Variants in ARHGEF2 observed in about 807,000 individuals in gnomAD.
ARHGEF2 encodes Rho/Rac guanine nucleotide exchange factor 2.
In ARHGEF2, 22 loss-of-function variants were observed where a neutral mutation model predicts 121.0. The observed-to-expected ratio is 0.18, with a 90% CI of 0.13 to 0.26. The LOEUF is 0.26. Ranked by LOEUF, ARHGEF2 falls within the 10% of genes least tolerant of loss-of-function variation. The pLI, the probability that ARHGEF2 is intolerant of heterozygous loss-of-function variation, is 1.00. For missense variants in ARHGEF2, 907 were observed against 1,336.0 expected, an observed-to-expected ratio of 0.68 and a Z score of 5.01; for synonymous variants, 487 against 530.0, an observed-to-expected ratio of 0.92 and a Z score of 1.11.
chr1:155,971,100 C>G (rs1366348938), intron 1 of ARHGEF2: 10 of 985,874 alleles, frequency 1.0e-5, no homozygotes, highest in African/African-American at 1.7e-5. Flanking sequence ...CCTCCTCACG[C>G]AGGCCAACTG....
At position 155,950,789 on chromosome 1, in the gene ARHGEF2, T is replaced by G; in HGVS notation, c.2703+40A>C. ...TTCTTTCGGGCTCCATGGACCCTTA[T>G]GTCCACCCCAGGTCCATTCACCACT... On this transcript the variant is annotated intron_variant, in intron 20 of 21. Transcript: ENST00000361247. This position sits in a 1 kb window ranked among gnomAD's most constrained non-coding sequence, Gnocchi z 5.2. 1 of 1,503,348 alleles carries G rather than the reference T, an allele frequency of 6.7e-7. No homozygotes were observed. Among genetic ancestry groups the G allele is most frequent in the Non-Finnish European group, 8.9e-7 (1 of 1,122,170 alleles). 93.1% of individuals were successfully genotyped at this position (1,503,348 alleles called of 1,614,324 possible).
Position 155,965,508 on chromosome 1 carries a change from C to G in ARHGEF2, c.471-96G>C. On this transcript the variant is annotated intron_variant, in intron 5 of 21. Coordinates refer to ENST00000361247, the MANE Select transcript of ARHGEF2 (RefSeq NM_001162383.2). This position sits in a 1 kb window ranked among gnomAD's most constrained non-coding sequence, Gnocchi z 6.0. ...AGCCAGGATCCAAGAGGCGGTCCCC[C>G]TAAGTTCTCCTTATTTGTCTGTCTA... is the stretch of plus-strand genomic sequence containing the variant. The G allele has an allele frequency of 6.2e-7, 1 of 1,602,542 alleles. No individual in the cohort carries two copies. The highest frequency in any genetic ancestry group is 1.7e-5 in the Admixed American group (1 of 59,744).
At chr1:155,969,896 C>CTCTA in intron 1 of ARHGEF2, 5 of 985,638 alleles carry the variant, frequency 5.1e-6, no homozygotes, top group Non-Finnish European at 4.8e-6. Context: ...GATCCCAGAC[C>CTCTA]TCTAACTCTT....
rs1199504727 is a variant in ARHGEF2, at chr1:155,961,836, C to T, written c.1293G>A (p.Glu431=). The change falls in exon 11 of 22, where the codon GAG becomes GAA. Residue 431 remains glutamate (E), a synonymous_variant. Coordinates refer to ENST00000361247, the MANE Select transcript of ARHGEF2 (RefSeq NM_001162383.2). The surrounding 1 kb of genome is among the most constrained non-coding windows in gnomAD (Gnocchi z 4.7). ...LVKELLSNVD[E]GIYQLEKGAR... is the part of the protein sequence containing the mutation. The stretch of plus-strand genomic sequence containing the variant: ...CCCCTTTCTCCAGCTGATAAATACC[C>T]TCGTCCACATTGGACAGCAGCTCCT... The T allele has an allele frequency of 6.2e-7, 1 of 1,614,166 alleles. No individual in the cohort carries two copies. Among genetic ancestry groups the T allele is most frequent in the East Asian group, 2.2e-5 (1 of 44,876 alleles).
intron 1 of ARHGEF2, among the ~76,000 whole-genome samples, chr1:155,975,317 A>C (rs1485576030): frequency 6.6e-6 from 1 of 152,090 alleles, no homozygotes; most frequent in Non-Finnish European, 1.5e-5. Flanking sequence ...CCCCTCCTTG[A>C]TTCCAAGGTC....
At chr1:155,968,374 G>C (rs1167131307) in intron 2 of ARHGEF2, 1 of 152,144 alleles carries the variant, frequency 6.6e-6, no homozygotes, top group Non-Finnish European at 1.5e-5. Flanking sequence ...CCGCTATTCA[G>C]TAGCAGGTCA....
rs1557979967 is a variant in ARHGEF2, at chr1:155,947,066, C to T, written c.*876G>A. 8 of 218,974 alleles carry T rather than the reference C, an allele frequency of 3.7e-5. No individual in the cohort carries two copies. In the South Asian group the frequency reaches 4.2e-4, roughly 12 times the overall value. The allele number at this position is 218,974 out of a possible 1,614,324, so 13.6% of individuals were successfully genotyped here. ...GGAGATTTTCCAACCCACCCTAGAA[C>T]TTGTTTCTAAATGGCTGGGGAAGAG... On this transcript the variant is annotated 3_prime_UTR_variant, in exon 22 of 22. Coordinates refer to ENST00000361247, the MANE Select transcript of ARHGEF2 (RefSeq NM_001162383.2).
At chr1:155,975,490 A>C in intron 1 of ARHGEF2, among the ~76,000 whole-genome samples, 2 of 149,296 alleles carry the variant, frequency 1.3e-5, no homozygotes, top group Non-Finnish European at 3.0e-5. Flanking sequence ...CCTCCCCCTC[A>C]ACTCTCTCCC....
At chr1:155,964,335 A>C (rs1678894837) in intron 7 of ARHGEF2, among the ~76,000 whole-genome samples, 1 of 150,498 alleles carries the variant, frequency 6.6e-6, no homozygotes, top group Non-Finnish European at 1.5e-5. Flanking sequence ...ATGAGCCACC[A>C]CGCCCAGTTC....
At chr1:155,954,279 C>A in intron 14 of ARHGEF2, among the ~76,000 whole-genome samples, 1 of 113,780 alleles carries the variant, frequency 8.8e-6, no homozygotes. Flanking sequence ...AGCCAATCTA[C>A]TTCTTTTTTT....
intron 7 of ARHGEF2, among the ~76,000 whole-genome samples, chr1:155,964,199 C>CACAT (rs1678835152): frequency 2.2e-5 from 1 of 45,126 alleles, no homozygotes; most frequent in Non-Finnish European, 4.2e-5. Flanking sequence ...TATATATATA[C>CACAT]ATATATATAT....
intron 12 of ARHGEF2, 111 bp from the exon 13 acceptor site, chr1:155,957,993 A>AT (rs1406369048): frequency 6.9e-6 from 8 of 1,162,430 alleles, no homozygotes; most frequent in South Asian, 1.6e-5. Flanking sequence ...TCATCTTACA[A>AT]TACCAGTTAA....
In ARHGEF2 at chr1:155,962,942, G is replaced by A. The variant is rs766801500; in HGVS notation, c.966C>T (p.Leu322=). 26 of 1,614,014 alleles carry A rather than the reference G, an allele frequency of 1.6e-5. No homozygotes were observed. Among genetic ancestry groups the A allele is most frequent in the East Asian group, 2.2e-5 (1 of 44,888 alleles). Residue 322 remains leucine (L), a synonymous_variant, in exon 8 of 22, where the codon CTC becomes CTT. Coordinates refer to ENST00000361247, the MANE Select transcript of ARHGEF2 (RefSeq NM_001162383.2). The surrounding 1 kb of genome is among the most constrained non-coding windows in gnomAD (Gnocchi z 5.8). ...TCCTGCCTTTTCCCACCTGGCTGAT[G>A]AGCAGATCACCCAAGCGATGGATGA... ...NFVIHRLGDL[L]ISQFSGPSAE... is the part of the protein sequence containing the mutation.
chr1:155,968,728 C>CGG, intron 2 of ARHGEF2: 1 of 171,884 alleles, frequency 5.8e-6, no homozygotes, highest in Non-Finnish European at 1.2e-5. Context: ...ATGCCCAGCT[C>CGG]TGCGCAGGAA....
At chr1:155,966,570 C>A (rs1258465980) in intron 3 of ARHGEF2, 91 bp from the exon 4 acceptor site, 3 of 1,418,832 alleles carry the variant, frequency 2.1e-6, no homozygotes, top group African/African-American at 1.4e-5. Context: ...AGGTGGCCGG[C>A]CCCCTTAGGA....
chr1:155,964,176 A>ATG (rs1223864946), intron 7 of ARHGEF2, among the ~76,000 whole-genome samples: 8,396 of 95,038 alleles, frequency 0.088, 704 homozygotes, highest in African/African-American at 0.19. Context: ...AAATATATAT[A>ATG]TATATATATA....
chr1:155,959,913 T>C (rs1478294146), intron 11 of ARHGEF2, among the ~76,000 whole-genome samples: 1 of 152,174 alleles, frequency 6.6e-6, no homozygotes, highest in Admixed American at 6.5e-5. Flanking sequence ...CCTTTACGGC[T>C]ATCTGACCTA....
At chr1:155,955,851 G>A (rs1676546574) in intron 13 of ARHGEF2, among the ~76,000 whole-genome samples, 1 of 151,948 alleles carries the variant, frequency 6.6e-6, no homozygotes, top group African/African-American at 2.4e-5. Flanking sequence ...AAGCAGCTGG[G>A]ACTACAGGCA....
At chr1:155,948,081 C>G in intron 21 of ARHGEF2, 66 bp from the exon 22 acceptor site, 1 of 1,330,102 alleles carries the variant, frequency 7.5e-7, no homozygotes, top group Non-Finnish European at 1.0e-6. Context: ...TACCCCTAGA[C>G]TAATGCCTCC....
Sources: allele counts gnomAD v4.1 joint callset (sites outside exome capture counted in the v4.1 genomes callset), GRCh38; gene constraint gnomAD v4.1.1; non-coding constraint Gnocchi (gnomAD v3.1); transcripts MANE v1.5; gene names NCBI Gene and HGNC (gene_info 2026-07-23, HGNC 2026-07-21).